DCDC2: variants seen among roughly 807,000 people sequenced by gnomAD.
DCDC2 encodes doublecortin domain containing 2.
DCDC2 carries 40 observed loss-of-function variants against 50.2 expected under a neutral mutation model. The observed-to-expected ratio is 0.80, with a 90% CI of 0.62 to 1.04. The LOEUF is 1.04. DCDC2 is among the 50% of genes least tolerant of loss of function. The probability of loss-of-function intolerance (pLI) is 0.00; values close to 1 mark genes in which losing one functional copy is unlikely to be tolerated. For missense variants in DCDC2, 570 were observed against 581.9 expected (o/e 0.98, Z 0.21); for synonymous variants, 234 against 210.6 (o/e 1.11, Z -0.96).
rs1481120925 is a variant in DCDC2 at position 24,174,300 on chromosome 6, C to G, written c.*430G>C. 1.3e-5 allele frequency: 2 copies of G among 153,346 alleles called. No homozygotes were observed. The highest frequency in any genetic ancestry group is 2.4e-5 in the African/African-American group (1 of 41,452). The allele number at this position is 153,346 out of a possible 1,614,324, so 9.5% of individuals were successfully genotyped here. On this transcript the variant is annotated 3_prime_UTR_variant, in exon 10 of 10. Coordinates refer to ENST00000378454, the MANE Select transcript of DCDC2 (RefSeq NM_016356.5). Reference sequence around the variant, plus strand: ...GAAAGTAAATCGCAATCTGTTCATTCAAGAGTTTATTGCTTTAAGAAAATA... The same window carrying G: ...GAAAGTAAATCGCAATCTGTTCATTGAAGAGTTTATTGCTTTAAGAAAATA...
chr6:24,359,531 ATTTTTTATATATTTTAT>A (rs1760621446), upstream of DCDC2, among the ~76,000 whole-genome samples: 1 of 100,550 alleles, frequency 9.9e-6, no homozygotes, highest in African/African-American at 4.1e-5. Context: ...TTTTATATAT[ATTTTTTATATATTTTAT>A]ATATATTATA....
chr6:24,278,223 A>T lies in DCDC2; in HGVS notation c.760-12T>A, dbSNP rs764160660. 5.6e-6 allele frequency: 9 copies of T among 1,605,182 alleles called. No homozygotes were observed. The highest frequency in any genetic ancestry group is 7.6e-6 in the Non-Finnish European group (9 of 1,177,246). ...TGGCGATCATTTCCCTAAATGGCAA[A>T]GTATTAGACCCTTATTATTAGCTAA... On this transcript the variant is annotated splice_polypyrimidine_tract_variant and intron_variant, in intron 6 of 9. Transcript: ENST00000378454.
intron 4 of DCDC2, among the ~76,000 whole-genome samples, chr6:24,301,390 A>AG (rs1165540792): frequency 6.6e-6 from 1 of 151,392 alleles, no homozygotes; most frequent in East Asian, 1.9e-4. Flanking sequence ...AAAAAAAAAA[A>AG]AAAGTTAAGG....
upstream of DCDC2, among the ~76,000 whole-genome samples, chr6:24,359,488 A>ACTATATAAT (rs71002485): frequency 2.5e-5 from 2 of 79,152 alleles, no homozygotes; most frequent in African/African-American, 1.1e-4. Context: ...TTTTATATAT[A>ACTATATAAT]ATATATTATA....
chr6:24,189,147 G>C (rs995413134), intron 8 of DCDC2, among the ~76,000 whole-genome samples: 1 of 152,038 alleles, frequency 6.6e-6, no homozygotes, highest in African/African-American at 2.4e-5. Context: ...TGTGTATCTT[G>C]CTATTTATTT....
At chr6:24,257,917 T>C (rs1431042774) in intron 7 of DCDC2, among the ~76,000 whole-genome samples, 1 of 151,732 alleles carries the variant, frequency 6.6e-6, no homozygotes, top group Non-Finnish European at 1.5e-5. Context: ...GAAAGTAGAA[T>C]CAATGAAAAT....
chr6:24,191,455 T>C (rs749250940), intron 8 of DCDC2, among the ~76,000 whole-genome samples: 1 of 152,178 alleles, frequency 6.6e-6, no homozygotes, highest in Non-Finnish European at 1.5e-5. Context: ...TGGTCACAAG[T>C]TCAAATGATC....
At chr6:24,346,152 TA>T (rs58725760) in intron 2 of DCDC2, among the ~76,000 whole-genome samples, 64,677 of 132,964 alleles carry the variant, frequency 0.49, 15,990 homozygotes, top group Middle Eastern at 0.59. Flanking sequence ...AGACTCTGTC[TA>T]AAAAAAAAAA....
At chr6:24,333,541 G>T (rs1487051224) in intron 2 of DCDC2, among the ~76,000 whole-genome samples, 1 of 152,108 alleles carries the variant, frequency 6.6e-6, no homozygotes, top group African/African-American at 2.4e-5. Context: ...TCTATTTTAT[G>T]TTTGTATACA....
At chr6:24,210,019 G>GGGGTGTGTGTGTGTGTGTGT (rs1360438467) in intron 7 of DCDC2, among the ~76,000 whole-genome samples, 1 of 145,198 alleles carries the variant, frequency 6.9e-6, no homozygotes, top group African/African-American at 2.6e-5. Flanking sequence ...GCAGTATCAG[G>GGGGTGTGTGTGTGTGTGTGT]GTGTGTGTGT....
intron 2 of DCDC2, among the ~76,000 whole-genome samples, chr6:24,303,980 G>A (rs1237898610): frequency 2.6e-5 from 4 of 152,186 alleles, no homozygotes; most frequent in African/African-American, 9.6e-5. Flanking sequence ...AGAGAAACAA[G>A]AATGAATATT....
intron 8 of DCDC2, among the ~76,000 whole-genome samples, chr6:24,203,877 A>G (rs374876431): frequency 5.9e-5 from 9 of 152,250 alleles, no homozygotes; most frequent in African/African-American, 1.9e-4. Context: ...GCCAACAAAC[A>G]TAAGAAAAAA....
Position 24,178,647 on chromosome 6 carries a change from G to C in DCDC2, c.1024-15C>G, listed in dbSNP as rs1056349487. On this transcript the variant is annotated splice_polypyrimidine_tract_variant and intron_variant, in intron 8 of 9. Coordinates refer to ENST00000378454, the MANE Select transcript of DCDC2 (RefSeq NM_016356.5). ...TCTGCTGGCCTCTGATGGATCAAAA[G>C]GAATAATGGATAAAAGTAAGAAGCA... 6.2e-7 allele frequency: 1 copy of C among 1,602,972 alleles called. No individual in the cohort carries two copies.
At chr6:24,246,694 C>T (rs996717305) in intron 7 of DCDC2, among the ~76,000 whole-genome samples, 1 of 151,848 alleles carries the variant, frequency 6.6e-6, no homozygotes, top group Non-Finnish European at 1.5e-5. Flanking sequence ...ACCATGTTGG[C>T]CAGGTTGGTC....
chr6:24,186,362 T>C (rs1277190), intron 8 of DCDC2, among the ~76,000 whole-genome samples: 58,093 of 152,186 alleles, frequency 0.38, 13,851 homozygotes, highest in Non-Finnish European at 0.52. Context: ...GTGATTATTA[T>C]TTCCATTGTA....
At chr6:24,252,104 GC>G (rs763804537) in intron 7 of DCDC2, among the ~76,000 whole-genome samples, 1 of 152,160 alleles carries the variant, frequency 6.6e-6, no homozygotes, top group African/African-American at 2.4e-5. Context: ...AAGTAGTTAA[GC>G]TTTCCTGCCT....
intron 7 of DCDC2, among the ~76,000 whole-genome samples, chr6:24,257,031 A>T (rs867804570): frequency 1.4e-4 from 22 of 152,320 alleles, no homozygotes; most frequent in African/African-American, 4.3e-4. Context: ...TGATTTCTTA[A>T]GTCAAATAAA....
chr6:24,306,210 G>A (rs1421966703), intron 2 of DCDC2, among the ~76,000 whole-genome samples: 1 of 152,074 alleles, frequency 6.6e-6, no homozygotes, highest in African/African-American at 2.4e-5. Context: ...CGTGTAATCT[G>A]TGACTACGAA....
intron 4 of DCDC2, among the ~76,000 whole-genome samples, chr6:24,291,362 A>C (rs1004088798): frequency 1.3e-5 from 2 of 151,736 alleles, no homozygotes; most frequent in Admixed American, 1.3e-4. Context: ...AAGGATCCCT[A>C]TTGCTGCCAT....
Sources: gnomAD v4.1 joint callset for allele counts (sites outside exome capture counted in the v4.1 genomes callset) on GRCh38, gnomAD v4.1.1 for gene constraint, MANE v1.5 for transcripts, NCBI Gene and HGNC (gene_info 2026-07-23, HGNC 2026-07-21) for gene names.